Variants in METTL4 observed in about 807,000 individuals in gnomAD.
METTL4 encodes the protein N(6)-adenine-specific methyltransferase METTL4.
METTL4 carries 40 observed loss-of-function variants against 54.0 expected under a neutral mutation model. That is an observed-to-expected ratio of 0.74 (90% CI 0.58 to 0.96). The LOEUF (loss-of-function observed/expected upper bound fraction) is 0.96, where lower values mean the gene tolerates loss of function less well. Among genes scored for constraint, METTL4 ranks in the 50% least tolerant of loss-of-function variants. The pLI, the probability that METTL4 is intolerant of heterozygous loss-of-function variation, is 0.00. For synonymous variants in METTL4, 169 were observed against 183.8 expected (o/e 0.92, Z 0.65); for missense variants, 525 against 549.0 (o/e 0.96, Z 0.44).
Position 2,552,756 on chromosome 18 carries a change from T to C in METTL4, c.838A>G (p.Thr280Ala). ...GGATCTATCACAATTACATCAAATG[T>C]TTTCCTATCTGAAAACAAAGATACA... The part of the protein sequence containing the change: ...CMQPLLNYRK[T>A]FDVIVIDPPW... Residue 280 changes from threonine (T) to alanine (A), a missense_variant, in exon 5 of 9, where the codon ACA (threonine) becomes GCA (alanine). Physicochemically the swap from Thr to Ala is moderately conservative, Grantham distance 58. Transcript: ENST00000574538. 1 of 1,608,174 alleles carries C rather than the reference T, an allele frequency of 6.2e-7. No individual in the cohort carries two copies. Among genetic ancestry groups the C allele is most frequent in the Non-Finnish European group, 8.5e-7 (1 of 1,176,306 alleles).
chr18:2,550,168 A>C (rs1299905477), intron 5 of METTL4, among the ~76,000 whole-genome samples: 1 of 152,178 alleles, frequency 6.6e-6, no homozygotes, highest in Non-Finnish European at 1.5e-5. Flanking sequence ...TCAGGTCAAA[A>C]ATTTGAAAGT....
Position 2,555,296 on chromosome 18 carries a change from A to G in METTL4, c.460-258T>C, listed in dbSNP as rs528090049. On this transcript the variant is annotated intron_variant, in intron 3 of 8. Transcript: ENST00000574538. ...TAAGAAAATATATCCTCAAACATGT[A>G]TAAGGTAAATTTGATAATCTGAATG... is the stretch of plus-strand genomic sequence containing the variant. 9.3e-6 allele frequency: 4 copies of G among 432,244 alleles called. No homozygotes were observed. In the East Asian group the frequency reaches 1.9e-4, roughly 20 times the overall value. The allele number at this position is 432,244 out of a possible 1,614,324, so 26.8% of individuals were successfully genotyped here.
intron 2 of METTL4, 53 bp from the exon 3 acceptor site, chr18:2,563,912 CT>C: frequency 6.9e-6 from 9 of 1,310,944 alleles, no homozygotes; most frequent in Non-Finnish European, 9.8e-6. Flanking sequence ...TAATATTTTG[CT>C]TTTTCATTAT....
In METTL4 at chr18:2,539,238, A is replaced by G. The variant is rs2071957093; in HGVS notation, c.1274-93T>C. 8 of 1,028,228 alleles carry G rather than the reference A, an allele frequency of 7.8e-6. No homozygotes were observed. In the East Asian group the frequency reaches 1.7e-4, roughly 22 times the overall value. The allele number at this position is 1,028,228 out of a possible 1,614,324, so 63.7% of individuals were successfully genotyped here. A position where few individuals can be genotyped will look rare whatever the true frequency, so the allele number is the denominator to read the frequency against. On this transcript the variant is annotated intron_variant, in intron 8 of 8. Transcript: ENST00000574538. ...AAGAGTAGAAACAGAGAAATATTTC[A>G]TTTTGTTCTTAAAAGACAGCAAATT...
At chr18:2,549,674 C>G (rs1436616930) in intron 5 of METTL4, among the ~76,000 whole-genome samples, 1 of 151,884 alleles carries the variant, frequency 6.6e-6, no homozygotes, top group African/African-American at 2.4e-5. Flanking sequence ...CAGGGACAAT[C>G]AATAAGTATT....
At chr18:2,565,227 C>T (rs1350067438) in intron 2 of METTL4, among the ~76,000 whole-genome samples, 1 of 151,746 alleles carries the variant, frequency 6.6e-6, no homozygotes, top group Non-Finnish European at 1.5e-5. Context: ...TTCAGTGAAC[C>T]GAGATCACGC....
chr18:2,542,174 A>G (rs1223173386), intron 8 of METTL4, among the ~76,000 whole-genome samples: 1 of 151,814 alleles, frequency 6.6e-6, no homozygotes, highest in Non-Finnish European at 1.5e-5. Flanking sequence ...CAAAGATATA[A>G]GCTGTAATGC....
intron 1 of METTL4, chr18:2,568,732 A>C (rs1321930624): frequency 1.3e-5 from 2 of 151,176 alleles, no homozygotes; most frequent in Non-Finnish European, 2.9e-5. Flanking sequence ...AGCCAGGGCA[A>C]CAAGAGTGAA....
At chr18:2,547,677 C>T in intron 5 of METTL4, 148 bp from the exon 6 acceptor site, 1 of 527,084 alleles carries the variant, frequency 1.9e-6, no homozygotes, top group East Asian at 3.2e-5. Context: ...CACAGTGACA[C>T]CCAGTGGACA....
In METTL4 at chr18:2,538,226, T is replaced by G; in HGVS notation, c.*774A>C. On this transcript the variant is annotated 3_prime_UTR_variant, in exon 9 of 9. Transcript: ENST00000574538. ...TGTTTACTTGCTGCCATGTTTATTA[T>G]AAGGAATAGCTTTTCATTTTCTTCT... is the stretch of plus-strand genomic sequence containing the variant. 3.5e-6 allele frequency: 1 copy of G among 284,204 alleles called. No homozygotes were observed. The highest frequency in any genetic ancestry group is 5.9e-5 in the East Asian group (1 of 16,830). 17.6% of individuals were successfully genotyped at this position (284,204 alleles called of 1,614,324 possible).
chr18:2,545,735 G>C (rs2072059910), intron 6 of METTL4, among the ~76,000 whole-genome samples: 1 of 151,990 alleles, frequency 6.6e-6, no homozygotes, highest in Admixed American at 6.6e-5. Context: ...GGGCCAATCA[G>C]ACACAGCATA....
At chr18:2,547,034 T>G (rs576067687) in intron 6 of METTL4, among the ~76,000 whole-genome samples, 106 of 152,298 alleles carry the variant, frequency 7.0e-4, no homozygotes, top group African/African-American at 2.4e-3. Context: ...TTTCTATGTT[T>G]GGTGATACAC....
At chr18:2,545,598 A>C (rs931744383) in intron 6 of METTL4, among the ~76,000 whole-genome samples, 4 of 152,072 alleles carry the variant, frequency 2.6e-5, no homozygotes, top group Non-Finnish European at 4.4e-5. Context: ...TAAAATATCA[A>C]TTCATTAATT....
At chr18:2,543,281 A>C (rs757535929) in intron 8 of METTL4, among the ~76,000 whole-genome samples, 3 of 152,148 alleles carry the variant, frequency 2.0e-5, no homozygotes, top group Non-Finnish European at 4.4e-5. Flanking sequence ...AAGCTCCTGT[A>C]GTTTTCCTGA....
chr18:2,550,435 T>C (rs1169680835), intron 5 of METTL4, among the ~76,000 whole-genome samples: 3 of 152,158 alleles, frequency 2.0e-5, no homozygotes, highest in African/African-American at 7.2e-5. Flanking sequence ...CTGTAGAAAT[T>C]AGTTTGATAG....
At chr18:2,566,281 T>C (rs1480743819) in intron 2 of METTL4, among the ~76,000 whole-genome samples, 3 of 152,038 alleles carry the variant, frequency 2.0e-5, no homozygotes, top group Non-Finnish European at 2.9e-5. Flanking sequence ...CAAATACATA[T>C]ACTTTACAAA....
chr18:2,549,356 G>T (rs993335770), intron 5 of METTL4, among the ~76,000 whole-genome samples: 4 of 152,074 alleles, frequency 2.6e-5, no homozygotes, highest in Non-Finnish European at 5.9e-5. Flanking sequence ...CATTTGAAAA[G>T]AAGATGAGAA....
intron 3 of METTL4, 58 bp from the exon 4 acceptor site, chr18:2,555,096 T>G: frequency 6.6e-7 from 1 of 1,518,268 alleles, no homozygotes. Flanking sequence ...GAACATTGAC[T>G]GTGCTTTGAA....
In METTL4 at chr18:2,556,983, A is replaced by G. The variant is rs900247205; in HGVS notation, c.460-1945T>C. ...GGAACAACAAAGAGAAACAGTAGCA[A>G]GAGCTTTTAAAACATTAGGCAAGGA... is the stretch of plus-strand genomic sequence containing the variant. On this transcript the variant is annotated intron_variant, in intron 3 of 8. Coordinates refer to ENST00000574538, the MANE Select transcript of METTL4 (RefSeq NM_022840.5). Among the ~76,000 whole-genome samples the G allele has an allele frequency of 1.9e-4, 29 of 152,216 alleles. 1 individual carries two copies. Among genetic ancestry groups the G allele is most frequent in the African/African-American group, 6.8e-4 (28 of 41,446 alleles).
Sources: allele counts gnomAD v4.1 joint callset (sites outside exome capture counted in the v4.1 genomes callset), GRCh38; gene constraint gnomAD v4.1.1; transcripts MANE v1.5; gene names NCBI Gene and HGNC (gene_info 2026-07-23, HGNC 2026-07-21).